Variants in ADGRE5 observed in about 807,000 individuals in gnomAD.
The protein encoded by ADGRE5 is adhesion G protein-coupled receptor E5, also known as CD97 molecule.
ADGRE5 carries 72 observed loss-of-function variants against 100.3 expected under a neutral mutation model. The observed-to-expected ratio is 0.72, with a 90% CI of 0.59 to 0.87. The LOEUF is 0.87. ADGRE5 is among the 40% of genes least tolerant of loss of function. ADGRE5 has a pLI of 0.00. For synonymous variants in ADGRE5, 439 were observed against 447.8 expected (o/e 0.98, Z 0.25); for missense variants, 959 against 1,094.7 (o/e 0.88, Z 1.75).
Position 14,404,364 on chromosome 19 carries a change from C to T in ADGRE5, c.1450-19C>T, listed in dbSNP as rs1325582727. On this transcript the variant is annotated intron_variant, in intron 12 of 19. Coordinates refer to ENST00000242786, the MANE Select transcript of ADGRE5 (RefSeq NM_078481.4). ...TGAGCTCCAGGCCAACCTTTCTGAC[C>T]ACCCCCATCTGCCCACAGGACGTGA... 2 of 1,597,412 alleles carry T rather than the reference C, an allele frequency of 1.3e-6. No individual in the cohort carries two copies. The highest frequency in any genetic ancestry group is 1.7e-5 in the Admixed American group (1 of 57,512).
rs773786244 is a variant in ADGRE5, at chr19:14,406,852, A to G, written c.2116-17A>G. 2.7e-5 allele frequency: 44 copies of G among 1,613,418 alleles called. No homozygotes were observed. The highest frequency in any genetic ancestry group is 3.5e-5 in the Non-Finnish European group (41 of 1,179,506). On this transcript the variant is annotated splice_polypyrimidine_tract_variant and intron_variant, in intron 16 of 19. Coordinates refer to ENST00000242786, the MANE Select transcript of ADGRE5 (RefSeq NM_078481.4). The surrounding 1 kb of genome is among the most constrained non-coding windows in gnomAD (Gnocchi z 6.0). ...CATCGCTCTCGCCCTCTAACCCACA[A>G]TCTGCTCCCTGCCCAGTGCAATGCT...
At position 14,398,072 on chromosome 19, in the gene ADGRE5, G is replaced by A. The variant is rs768917949; in HGVS notation, c.830G>A (p.Arg277Gln). ...PPGVHSQTLS[R>Q]FFDKVQDLGR... ...CTCCTCTCTCTGCAGACGCTTTCCC[G>A]ATTCTTCGACAAAGTCCAGGACCTG... Residue 277 changes from arginine to glutamine, a missense_variant, in exon 9 of 20, where the codon CGA becomes CAA. Arg to Gln is a conservative substitution (Grantham distance 43, BLOSUM62 1). Around this residue, in one of 6 missense-constraint regions of ADGRE5, gnomAD observed 69 missense variants for 135.0 expected, o/e 0.51. Coordinates refer to ENST00000242786, the MANE Select transcript of ADGRE5 (RefSeq NM_078481.4). 2.7e-5 allele frequency: 43 copies of A among 1,613,682 alleles called. No individual in the cohort carries two copies. The highest frequency in any genetic ancestry group is 3.3e-5 in the Non-Finnish European group (39 of 1,179,988).
At position 14,408,009 on chromosome 19, in the gene ADGRE5, G is replaced by A. The variant is rs1334675804; in HGVS notation, c.2478G>A (p.Arg826=). 3 of 1,614,154 alleles carry A rather than the reference G, an allele frequency of 1.9e-6. No homozygotes were observed. The highest frequency in any genetic ancestry group is 2.5e-6 in the Non-Finnish European group (3 of 1,180,004). ...CTGGCACTGGCCACAATCAGACCCG[G>A]GTAAGGGGCTGCGCCTGGGGCGGGT... ...TTSGTGHNQT[R]ALRASESGI is the part of the protein sequence containing the mutation. The change falls in exon 19 of 20, where the codon CGG becomes CGA. Residue 826 remains arginine (R), a splice_region_variant and synonymous_variant. Coordinates refer to ENST00000242786, the MANE Select transcript of ADGRE5 (RefSeq NM_078481.4).
chr19:14,390,624 G>A (rs375560787), intron 3 of ADGRE5, among the ~76,000 whole-genome samples: 66 of 152,100 alleles, frequency 4.3e-4, no homozygotes, highest in African/African-American at 1.5e-3. Context: ...GCACCCGGCC[G>A]CCATGGGGTT....
chr19:14,388,858 T>TG lies in ADGRE5; in HGVS notation c.190+40_190+41insG, dbSNP rs745775501. On this transcript the variant is annotated intron_variant, in intron 3 of 19. Transcript: ENST00000242786. ...GGGCAGCGCAGGGGACATCCGCGAT[T>TG]ATGAGGCATTGCCCAGCCAGTGGGG... The TG allele has an allele frequency of 8.3e-6, 13 of 1,575,430 alleles. No homozygotes were observed. In the African/African-American group the frequency reaches 1.8e-4, roughly 21 times the overall value.
At position 14,386,626 on chromosome 19, in the gene ADGRE5, G is replaced by A. The variant is rs181112972; in HGVS notation, c.23-1824G>A. ...GGAGAATGGTGTGAACCCGGGAGGC[G>A]GAGCTTGCAGTGAGCCAAGTTTGCA... On this transcript the variant is annotated intron_variant, in intron 1 of 19. Coordinates refer to ENST00000242786, the MANE Select transcript of ADGRE5 (RefSeq NM_078481.4). Among the ~76,000 whole-genome samples the A allele has an allele frequency of 5.1e-3, 771 of 150,166 alleles. 10 individuals carry two copies. Among genetic ancestry groups the A allele is most frequent in the African/African-American group, 0.018 (729 of 40,724 alleles).
chr19:14,407,229 G>A lies in ADGRE5; in HGVS notation c.2376G>A (p.Lys792=). The A allele has an allele frequency of 6.2e-7, 1 of 1,613,982 alleles. No homozygotes were observed. The highest frequency in any genetic ancestry group is 8.5e-7 in the Non-Finnish European group (1 of 1,179,984). Residue 792 remains lysine (K), a splice_region_variant and synonymous_variant, in exon 18 of 20, where the codon AAG becomes AAA. Transcript: ENST00000242786. ...LYLLHCLLNK[K]VREEYRKWAC... ...TGCTGCACTGCCTGCTCAACAAGAAGGTGGGGGCCTGGGCACAGTGGCGCA... is the reference window on the plus strand; with the variant it reads ...TGCTGCACTGCCTGCTCAACAAGAAAGTGGGGGCCTGGGCACAGTGGCGCA...
chr19:14,388,910 GCCTTACCTTCCAGACTATCATCA>G, intron 3 of ADGRE5, 92 bp downstream of exon 3: 1 of 1,176,164 alleles, frequency 8.5e-7, no homozygotes. Flanking sequence ...AGGGGCCACA[GCCTTACCTTCCAGACTATCATCA>G]TGGCCAGAGA....
At chr19:14,402,493 C>A in intron 11 of ADGRE5, 104 bp from the exon 12 acceptor site, 1 of 1,176,312 alleles carries the variant, frequency 8.5e-7, no homozygotes, top group Non-Finnish European at 1.2e-6. Flanking sequence ...CTCCTGGCGT[C>A]ATCGTGGTGG....
chr19:14,405,836 G>A lies in ADGRE5; in HGVS notation c.1718G>A (p.Arg573Gln), dbSNP rs765115905. The A allele has an allele frequency of 5.0e-6, 8 of 1,613,348 alleles. No individual in the cohort carries two copies. In the South Asian group the frequency reaches 7.7e-5, roughly 15 times the overall value. ...LLCILTFLLV[R>Q]PIQGSRTTIH... The stretch of plus-strand genomic sequence containing the variant: ...TGCATCCTCACTTTCCTGCTGGTGC[G>A]GCCCATCCAGGGCTCGCGCACCACC... The change falls in exon 14 of 20, where the codon CGG (arginine) becomes CAG (glutamine). Residue 573 changes from arginine to glutamine, a missense_variant. Around this residue, in one of 6 missense-constraint regions of ADGRE5, gnomAD observed 428 missense variants for 386.2 expected, o/e 1.11. Transcript: ENST00000242786.
At chr19:14,385,010 C>CTTTTTTTTTTTTT (rs56960989) in intron 1 of ADGRE5, among the ~76,000 whole-genome samples, 15 of 68,684 alleles carry the variant, frequency 2.2e-4, no homozygotes, top group African/African-American at 4.0e-4. Flanking sequence ...GACTCTTGCT[C>CTTTTTTTTTTTTT]TTTTTTTTTT....
chr19:14,407,028 T>A, intron 17 of ADGRE5, 33 bp from the exon 18 acceptor site: 1 of 1,613,332 alleles, frequency 6.2e-7, no homozygotes, highest in Non-Finnish European at 8.5e-7. Context: ...GGAGGTGAGG[T>A]GGGGGCCCAC....
chr19:14,405,957 T>C lies in ADGRE5; in HGVS notation c.1821+18T>C. On this transcript the variant is annotated intron_variant, in intron 14 of 19. Transcript: ENST00000242786. ...GCGGCCAGGTGAGGTCCCGCCCCGC[T>C]CCCTCCTGAGCTCTGGGGTCAGGGA... is the stretch of plus-strand genomic sequence containing the variant. 1.3e-6 allele frequency: 2 copies of C among 1,596,284 alleles called. No homozygotes were observed. Among genetic ancestry groups the C allele is most frequent in the South Asian group, 2.2e-5 (2 of 90,414 alleles).
intron 9 of ADGRE5, among the ~76,000 whole-genome samples, chr19:14,400,460 A>G (rs553103842): frequency 2.0e-5 from 3 of 152,178 alleles, no homozygotes; most frequent in African/African-American, 7.2e-5. Flanking sequence ...GTTGTCTAAT[A>G]ACTACACTTT....
rs759326189 is a variant in ADGRE5 at position 14,405,835 on chromosome 19, C to T, written c.1717C>T (p.Arg573Trp). ...GTGCATCCTCACTTTCCTGCTGGTGCGGCCCATCCAGGGCTCGCGCACCAC... is the reference window on the plus strand; with the variant it reads ...GTGCATCCTCACTTTCCTGCTGGTGTGGCCCATCCAGGGCTCGCGCACCAC... ...LLCILTFLLVRPIQGSRTTIH... is the reference protein window; with the variant it reads ...LLCILTFLLVWPIQGSRTTIH... The change falls in exon 14 of 20, where the codon CGG becomes TGG. Residue 573 changes from arginine to tryptophan, a missense_variant. Arg to Trp is a moderately radical substitution (Grantham distance 101). Coordinates refer to ENST00000242786, the MANE Select transcript of ADGRE5 (RefSeq NM_078481.4). The T allele has an allele frequency of 7.4e-6, 12 of 1,613,354 alleles. No individual in the cohort carries two copies. The highest frequency in any genetic ancestry group is 1.7e-5 in the Admixed American group (1 of 60,002).
intron 4 of ADGRE5, among the ~76,000 whole-genome samples, chr19:14,392,103 GAAAA>G (rs571212543): frequency 1.5e-5 from 1 of 64,524 alleles, no homozygotes; most frequent in African/African-American, 5.6e-5. Context: ...GACTCTGTCT[GAAAA>G]AAAAAAAAAA....
Position 14,397,315 on chromosome 19 carries a change from G to A in ADGRE5, c.625+92G>A, listed in dbSNP as rs564425158. On this transcript the variant is annotated intron_variant, in intron 6 of 19. Coordinates refer to ENST00000242786, the MANE Select transcript of ADGRE5 (RefSeq NM_078481.4). Reference sequence around the variant, plus strand: ...ACACAAACCAAGCAGAATGAGCGCTGGAGGCACCTGGCTGTGCCAGGCGTT... The same window carrying A: ...ACACAAACCAAGCAGAATGAGCGCTAGAGGCACCTGGCTGTGCCAGGCGTT... The A allele has an allele frequency of 3.8e-6, 6 of 1,583,512 alleles. No homozygotes were observed. In the East Asian group the frequency reaches 1.1e-4, roughly 30 times the overall value.
In ADGRE5 at chr19:14,401,478, G is replaced by T; in HGVS notation, c.990G>T (p.Leu330=). The T allele has an allele frequency of 6.2e-7, 1 of 1,614,148 alleles. No individual in the cohort carries two copies. Among genetic ancestry groups the T allele is most frequent in the Non-Finnish European group, 8.5e-7 (1 of 1,180,014 alleles). ...PPVRHLIATQ[L]LSNLEDIMRI... ...TCCGGCACCTCATAGCCACCCAGCT[G>T]CTCTCAAACCTTGAAGATATCATGA... Residue 330 remains leucine (L), a synonymous_variant, in exon 10 of 20, where the codon CTG becomes CTT. Transcript: ENST00000242786. This position sits in a 1 kb window ranked among gnomAD's most constrained non-coding sequence, Gnocchi z 4.1.
At chr19:14,407,040 C>A (rs772933924) in intron 17 of ADGRE5, 21 bp from the exon 18 acceptor site, 13 of 1,613,764 alleles carry the variant, frequency 8.1e-6, no homozygotes, top group Non-Finnish European at 1.1e-5. Flanking sequence ...GGGGCCCACG[C>A]TGCAACCCCG....
Sources: allele counts gnomAD v4.1 joint callset (sites outside exome capture counted in the v4.1 genomes callset), GRCh38; gene constraint gnomAD v4.1.1; regional missense constraint gnomAD v4.1.1; non-coding constraint Gnocchi (gnomAD v3.1); transcripts MANE v1.5; gene names NCBI Gene and HGNC (gene_info 2026-07-23, HGNC 2026-07-21).